TMEM117: variants seen among roughly 807,000 people sequenced by gnomAD.
TMEM117 encodes transmembrane protein 117.
A neutral mutation model predicts 52.4 loss-of-function variants in TMEM117; 27 were observed. That is an observed-to-expected ratio of 0.51 (90% CI 0.38 to 0.71). TMEM117 has a LOEUF of 0.71. TMEM117 is among the 30% of genes least tolerant of loss of function. The pLI is 0.00. For synonymous variants in TMEM117, 215 were observed against 206.3 expected (o/e 1.04, Z -0.36); for missense variants, 556 against 630.5 (o/e 0.88, Z 1.26).
At chr12:43,948,864 A>G (rs1945176015) in intron 3 of TMEM117, among the ~76,000 whole-genome samples, 1 of 152,152 alleles carries the variant, frequency 6.6e-6, no homozygotes. Context: ...ATGCAGAAGG[A>G]TCTGAAAACT....
At chr12:43,970,139 G>A (rs946987226) in intron 3 of TMEM117, among the ~76,000 whole-genome samples, 1 of 152,100 alleles carries the variant, frequency 6.6e-6, no homozygotes, top group Non-Finnish European at 1.5e-5. Flanking sequence ...GCAGGTCTCG[G>A]TTATCACCGT....
intron 5 of TMEM117, among the ~76,000 whole-genome samples, chr12:44,287,213 A>G (rs189485568): frequency 1.3e-5 from 2 of 152,318 alleles, no homozygotes; most frequent in African/African-American, 4.8e-5. Context: ...AACTGGAAAT[A>G]TGGAATCATT....
intron 5 of TMEM117, among the ~76,000 whole-genome samples, chr12:44,235,602 A>T (rs745968652): frequency 8.6e-5 from 13 of 151,798 alleles, no homozygotes; most frequent in Non-Finnish European, 1.8e-4. Context: ...AACTTATTAA[A>T]GTCTTACATT....
intron 3 of TMEM117, among the ~76,000 whole-genome samples, chr12:44,135,269 A>G (rs1200349279): frequency 6.6e-6 from 1 of 152,154 alleles, no homozygotes; most frequent in Admixed American, 6.6e-5. Flanking sequence ...AATTACTAGA[A>G]AACAGGCACT....
At chr12:43,974,095 A>G (rs1431041490) in intron 3 of TMEM117, among the ~76,000 whole-genome samples, 3 of 152,180 alleles carry the variant, frequency 2.0e-5, no homozygotes, top group Non-Finnish European at 4.4e-5. Context: ...AACTTTTTCT[A>G]TACCCTTCAG....
intron 3 of TMEM117, among the ~76,000 whole-genome samples, chr12:43,967,990 T>C (rs1008091501): frequency 2.0e-5 from 3 of 152,246 alleles, no homozygotes; most frequent in African/African-American, 7.2e-5. Flanking sequence ...GCTGATTTTA[T>C]TTTTTGCCAT....
chr12:43,800,407 A>C, the TMEM117 span: 1 of 1,551,112 alleles, frequency 6.4e-7, no homozygotes. Context: ...TAATTGCAAC[A>C]TATAGAATCC....
At chr12:44,351,764 T>TA (rs1951565341) in intron 6 of TMEM117, among the ~76,000 whole-genome samples, 1 of 152,000 alleles carries the variant, frequency 6.6e-6, no homozygotes, top group Admixed American at 6.6e-5. Flanking sequence ...AAAAATGATT[T>TA]AAAAAGCCAA....
At chr12:44,056,639 G>A (rs897533271) in intron 3 of TMEM117, among the ~76,000 whole-genome samples, 2 of 152,096 alleles carry the variant, frequency 1.3e-5, no homozygotes, top group African/African-American at 4.8e-5. Context: ...TTATACATTT[G>A]TGGGAAAGTG....
the TMEM117 span, among the ~76,000 whole-genome samples, chr12:43,817,297 G>C: frequency 6.6e-6 from 1 of 152,168 alleles, no homozygotes; most frequent in Non-Finnish European, 1.5e-5. Flanking sequence ...TCTGCTATAA[G>C]AGTTATGTTT....
chr12:44,368,548 A>G (rs1951821576), intron 6 of TMEM117, among the ~76,000 whole-genome samples: 1 of 152,150 alleles, frequency 6.6e-6, no homozygotes, highest in South Asian at 2.1e-4. Context: ...CCTCAATATT[A>G]AATAAAAATG....
intron 3 of TMEM117, among the ~76,000 whole-genome samples, chr12:44,076,020 C>T (rs560343705): frequency 6.6e-5 from 10 of 152,252 alleles, no homozygotes; most frequent in South Asian, 4.1e-4. Context: ...TTGAGGACTT[C>T]GGAGAGCCAA....
intron 3 of TMEM117, among the ~76,000 whole-genome samples, chr12:44,104,282 A>G (rs953508615): frequency 6.6e-6 from 1 of 151,768 alleles, no homozygotes; most frequent in African/African-American, 2.4e-5. Flanking sequence ...CCCTCCCTTC[A>G]TCTCTCCATT....
At chr12:43,812,623 C>T in the TMEM117 span, among the ~76,000 whole-genome samples, 2 of 152,084 alleles carry the variant, frequency 1.3e-5, no homozygotes. Flanking sequence ...TTTCTGCTCC[C>T]GGGTCCACAC....
chr12:44,350,694 G>T lies in TMEM117; in HGVS notation c.769-25901G>T, dbSNP rs573502987. Among the ~76,000 whole-genome samples the T allele has an allele frequency of 3.3e-5, 5 of 152,012 alleles. 1 individual carries two copies. Among genetic ancestry groups the T allele is most frequent in the African/African-American group, 1.2e-4 (5 of 41,514 alleles). On this transcript the variant is annotated intron_variant, in intron 6 of 7. Coordinates refer to ENST00000266534, the MANE Select transcript of TMEM117 (RefSeq NM_032256.3). ...CCATCCATGTTGTTGCAGATGGCAG[G>T]ATCTCATTGTTTTATGGCTGAAGAG... is the stretch of plus-strand genomic sequence containing the variant.
At chr12:44,240,468 A>G (rs1053574813) in intron 5 of TMEM117, among the ~76,000 whole-genome samples, 1 of 152,070 alleles carries the variant, frequency 6.6e-6, no homozygotes. Context: ...AAGGAAGAAG[A>G]GGGAACAGAT....
the TMEM117 span, chr12:43,805,845 C>T: frequency 7.1e-7 from 1 of 1,404,524 alleles, no homozygotes; most frequent in Admixed American, 1.9e-5. Context: ...TTCTCGACAG[C>T]GTACTGAAGC....
chr12:44,369,954 A>G (rs1227919368), intron 6 of TMEM117, among the ~76,000 whole-genome samples: 4 of 152,220 alleles, frequency 2.6e-5, no homozygotes, highest in Non-Finnish European at 5.9e-5. Flanking sequence ...AAGGACATCT[A>G]GGAAGTAACC....
At chr12:44,083,409 T>A (rs1947515759) in intron 3 of TMEM117, among the ~76,000 whole-genome samples, 1 of 146,918 alleles carries the variant, frequency 6.8e-6, no homozygotes, top group Non-Finnish European at 1.5e-5. Flanking sequence ...TTTTTTTTTT[T>A]TTTTTTAGAC....
Sources: allele counts gnomAD v4.1 joint callset (sites outside exome capture counted in the v4.1 genomes callset), GRCh38; gene constraint gnomAD v4.1.1; transcripts MANE v1.5; gene names NCBI Gene and HGNC (gene_info 2026-07-23, HGNC 2026-07-21).